LINGO2: variants seen among roughly 807,000 people sequenced by gnomAD.
LINGO2 encodes the protein leucine rich repeat and Ig domain containing 2.
A neutral mutation model predicts 30.6 loss-of-function variants in LINGO2; 14 were observed. The ratio of observed to expected loss-of-function variants is 0.46; its 90% CI spans 0.30 to 0.72. LINGO2 has a LOEUF of 0.72. LINGO2 is among the 30% of genes least tolerant of loss of function. The pLI is 0.07. For synonymous variants in LINGO2, 317 were observed against 288.5 expected, an observed-to-expected ratio of 1.10 and a Z score of -1.00; for missense variants, 729 against 751.7, an observed-to-expected ratio of 0.97 and a Z score of 0.35.
chr9:28,355,245 CTCTCTCTCTGTCTCTG>C (rs1820123534), intron 3 of LINGO2, among the ~76,000 whole-genome samples: 1 of 90,922 alleles, frequency 1.1e-5, no homozygotes, highest in Non-Finnish European at 2.3e-5. Context: ...CTCTCTCTGT[CTCTCTCTCTGTCTCTG>C]TCTCTCTCTC....
At chr9:28,482,231 G>A (rs1187926398) in intron 1 of LINGO2, among the ~76,000 whole-genome samples, 1 of 151,780 alleles carries the variant, frequency 6.6e-6, no homozygotes, top group Non-Finnish European at 1.5e-5. Flanking sequence ...CTAGTTTACA[G>A]TCCCACCAAC....
chr9:29,188,550 G>T, the LINGO2 span, among the ~76,000 whole-genome samples: 4 of 152,136 alleles, frequency 2.6e-5, 1 homozygote, highest in South Asian at 2.1e-4. Flanking sequence ...CCACAAAACC[G>T]CCATTGTCAT....
At chr9:28,636,268 G>C (rs576238980) in intron 1 of LINGO2, among the ~76,000 whole-genome samples, 4 of 152,284 alleles carry the variant, frequency 2.6e-5, no homozygotes, top group Admixed American at 6.5e-5. Context: ...ATTGTGAATA[G>C]TGCCACAATA....
chr9:27,971,523 C>T (rs1431797993), intron 5 of LINGO2, among the ~76,000 whole-genome samples: 1 of 152,104 alleles, frequency 6.6e-6, no homozygotes, highest in Non-Finnish European at 1.5e-5. Context: ...GCTGGGATTA[C>T]AGCTGTGCAT....
chr9:28,715,974 A>G, the LINGO2 span, among the ~76,000 whole-genome samples: 1 of 152,054 alleles, frequency 6.6e-6, no homozygotes, highest in East Asian at 1.9e-4. Context: ...GGGTCTAGAA[A>G]CAAAAATAAT....
intron 2 of LINGO2, among the ~76,000 whole-genome samples, chr9:28,375,604 G>A (rs919195745): frequency 6.6e-6 from 1 of 152,208 alleles, no homozygotes; most frequent in Non-Finnish European, 1.5e-5. Context: ...GGTCTGATGA[G>A]TGATGGAACA....
At chr9:28,040,213 G>A (rs1824136109) in intron 4 of LINGO2, among the ~76,000 whole-genome samples, 1 of 152,110 alleles carries the variant, frequency 6.6e-6, no homozygotes, top group Non-Finnish European at 1.5e-5. Context: ...GCTAGCTGCA[G>A]TCTCTTCAAT....
chr9:28,878,323 C>A, the LINGO2 span, among the ~76,000 whole-genome samples: 3 of 152,066 alleles, frequency 2.0e-5, no homozygotes, highest in Non-Finnish European at 2.9e-5. Flanking sequence ...CAATAACAGG[C>A]TCTGAAATTG....
intron 4 of LINGO2, among the ~76,000 whole-genome samples, chr9:28,175,847 G>C (rs1828735683): frequency 6.6e-6 from 1 of 152,142 alleles, no homozygotes; most frequent in Non-Finnish European, 1.5e-5. Flanking sequence ...AACTGTATGA[G>C]CTCCAATAAC....
the LINGO2 span, among the ~76,000 whole-genome samples, chr9:28,722,462 C>T: frequency 6.6e-6 from 1 of 151,986 alleles, no homozygotes; most frequent in African/African-American, 2.4e-5. Context: ...ATAACCATAC[C>T]CAATGTGAAT....
chr9:28,989,951 C>A, the LINGO2 span, among the ~76,000 whole-genome samples: 3 of 152,096 alleles, frequency 2.0e-5, no homozygotes, highest in African/African-American at 4.8e-5. Flanking sequence ...GTCTACAGCT[C>A]CCAGCGTGAG....
intron 4 of LINGO2, among the ~76,000 whole-genome samples, chr9:28,152,983 T>C (rs1828040483): frequency 6.6e-6 from 1 of 152,168 alleles, no homozygotes; most frequent in Non-Finnish European, 1.5e-5. Flanking sequence ...TTGCTTGATA[T>C]ACAAAATGCC....
intron 4 of LINGO2, among the ~76,000 whole-genome samples, chr9:28,167,330 T>C (rs1828459224): frequency 6.6e-6 from 1 of 152,160 alleles, no homozygotes; most frequent in South Asian, 2.1e-4. Flanking sequence ...GGGCTTACCT[T>C]GCTCATTTCC....
the LINGO2 span, among the ~76,000 whole-genome samples, chr9:29,167,404 G>A: frequency 6.6e-6 from 1 of 152,100 alleles, no homozygotes; most frequent in South Asian, 2.1e-4. Flanking sequence ...GCGATCCTCA[G>A]ACATTAAAGT....
intron 4 of LINGO2, among the ~76,000 whole-genome samples, chr9:28,239,324 A>T (rs1390714486): frequency 6.6e-6 from 1 of 152,146 alleles, no homozygotes; most frequent in Non-Finnish European, 1.5e-5. Context: ...CAAGACAAAG[A>T]TACATCAAAA....
Position 28,609,374 on chromosome 9 carries a change from A to G in LINGO2, c.-365+60826T>C, listed in dbSNP as rs953195591. ...GGAGAAAATTTTCAGCTCAGCAATA[A>G]GTCAAATCATATATAAACGGTTCAT... On this transcript the variant is annotated intron_variant, in intron 1 of 5. Transcript: ENST00000379992. Among the ~76,000 whole-genome samples the G allele has an allele frequency of 8.6e-5, 13 of 151,946 alleles. 1 individual carries two copies. Among genetic ancestry groups the G allele is most frequent in the African/African-American group, 2.4e-5 (1 of 41,434 alleles).
the LINGO2 span, among the ~76,000 whole-genome samples, chr9:29,028,809 C>T: frequency 6.6e-6 from 1 of 152,136 alleles, no homozygotes; most frequent in Non-Finnish European, 1.5e-5. Flanking sequence ...GCAACCCAGA[C>T]TCCAGCAAGG....
At chr9:29,138,899 T>C in the LINGO2 span, among the ~76,000 whole-genome samples, 3 of 152,146 alleles carry the variant, frequency 2.0e-5, no homozygotes, top group African/African-American at 7.2e-5. Context: ...TTAATACCCT[T>C]GAATAATCCC....
chr9:28,186,282 G>A (rs927668366), intron 4 of LINGO2, among the ~76,000 whole-genome samples: 7 of 152,060 alleles, frequency 4.6e-5, no homozygotes, highest in Non-Finnish European at 1.0e-4. Context: ...CTAAAGAGGC[G>A]CTGATTCTAT....
Sources: allele counts gnomAD v4.1 joint callset (sites outside exome capture counted in the v4.1 genomes callset), GRCh38; gene constraint gnomAD v4.1.1; transcripts MANE v1.5; gene names NCBI Gene and HGNC (gene_info 2026-07-23, HGNC 2026-07-21).